DAB1: variants seen among roughly 807,000 people sequenced by gnomAD.
DAB1 encodes DAB adaptor protein 1, also known as disabled homolog 1.
DAB1 carries 15 observed loss-of-function variants against 64.6 expected under a neutral mutation model. The ratio of observed to expected loss-of-function variants is 0.23; its 90% CI spans 0.16 to 0.36. The LOEUF (loss-of-function observed/expected upper bound fraction) is 0.36. Ranked by LOEUF, DAB1 falls within the 10% of genes least tolerant of loss-of-function variation. The pLI is 1.00. For missense variants in DAB1, 596 were observed against 706.7 expected, an observed-to-expected ratio of 0.84 and a Z score of 1.78; for synonymous variants, 235 against 251.9, an observed-to-expected ratio of 0.93 and a Z score of 0.64.
At chr1:57,873,001 C>A (rs1643979203) in intron 1 of DAB1, among the ~76,000 whole-genome samples, 1 of 151,994 alleles carries the variant, frequency 6.6e-6, no homozygotes, top group Non-Finnish European at 1.5e-5. Context: ...AGAACTGAGC[C>A]CCCTGTTCTG....
chr1:58,322,740 G>C (rs1299554878), intron 4 of DAB1, among the ~76,000 whole-genome samples: 1 of 152,114 alleles, frequency 6.6e-6, no homozygotes, highest in Non-Finnish European at 1.5e-5. Context: ...CCATTACTGG[G>C]TATATACCCA....
chr1:57,535,004 T>C (rs1570604301), intron 7 of DAB1, among the ~76,000 whole-genome samples: 2 of 152,160 alleles, frequency 1.3e-5, no homozygotes, highest in Admixed American at 1.3e-4. Context: ...CTGCCTGAAA[T>C]GCTCATCCCC....
chr1:58,287,958 G>A (rs558426326), intron 4 of DAB1, among the ~76,000 whole-genome samples: 1 of 138,914 alleles, frequency 7.2e-6, no homozygotes, highest in East Asian at 2.1e-4. Context: ...GGAGGCAGAG[G>A]CTACAGTGAG....
intron 3 of DAB1, among the ~76,000 whole-genome samples, chr1:58,370,367 G>A (rs1644253810): frequency 9.0e-6 from 1 of 111,426 alleles, no homozygotes. Flanking sequence ...TTACTTATGA[G>A]TGTGTGCGTG....
chr1:57,630,956 C>A (rs369549934), intron 7 of DAB1, among the ~76,000 whole-genome samples: 1 of 152,086 alleles, frequency 6.6e-6, no homozygotes, highest in Non-Finnish European at 1.5e-5. Flanking sequence ...CTGCAAAGCT[C>A]CTGTTGAAAG....
At chr1:58,499,338 G>T (rs1401761743) in intron 3 of DAB1, among the ~76,000 whole-genome samples, 1 of 126,364 alleles carries the variant, frequency 7.9e-6, no homozygotes, top group East Asian at 2.3e-4. Context: ...AAAAAAAAAA[G>T]GCCAGGCATT....
intron 5 of DAB1, among the ~76,000 whole-genome samples, chr1:58,128,124 T>C (rs970629641): frequency 2.0e-5 from 3 of 152,118 alleles, no homozygotes; most frequent in African/African-American, 7.2e-5. Flanking sequence ...TTGTATCCTC[T>C]TTTATTTCCT....
chr1:57,976,652 G>A (rs1377839197), intron 5 of DAB1, among the ~76,000 whole-genome samples: 1 of 152,136 alleles, frequency 6.6e-6, no homozygotes, highest in African/African-American at 2.4e-5. Context: ...ATATCACTAT[G>A]TGACACTTTT....
intron 7 of DAB1, among the ~76,000 whole-genome samples, chr1:57,435,038 CTTTTTTTCTT>C (rs1685640624): frequency 7.7e-6 from 1 of 130,624 alleles, no homozygotes; most frequent in Non-Finnish European, 1.6e-5. Flanking sequence ...TTTTTCTTTT[CTTTTTTTCTT>C]TTTTTTTTTT....
In DAB1 at chr1:58,122,207, A is replaced by G. The variant is rs191449286; in HGVS notation, n.387+28304T>C. ...AGAATATCTTAGTATCTTAAGCACT[A>G]TGCACAGTTTATTTGGAAATAGTGC... On this transcript the variant is annotated intron_variant and non_coding_transcript_variant, in intron 5 of 20. Transcript: ENST00000485760. 1.5e-3 allele frequency among the ~76,000 whole-genome samples: 228 copies of G among 152,348 alleles called. 2 individuals carry two copies. Among genetic ancestry groups the G allele is most frequent in the African/African-American group, 5.3e-3 (219 of 41,586 alleles).
At chr1:57,811,114 C>T (rs1309900765) in intron 6 of DAB1, among the ~76,000 whole-genome samples, 1 of 152,210 alleles carries the variant, frequency 6.6e-6, no homozygotes, top group Non-Finnish European at 1.5e-5. Context: ...TTAAGGCCCA[C>T]CTGATAATCC....
intron 4 of DAB1, among the ~76,000 whole-genome samples, chr1:57,107,524 C>G (rs1271400211): frequency 6.6e-6 from 1 of 151,904 alleles, no homozygotes; most frequent in Non-Finnish European, 1.5e-5. Flanking sequence ...GGAGGAGCCA[C>G]AGGGATACCC....
At position 57,681,787 on chromosome 1, in the gene DAB1, T is replaced by C. The variant is rs4073807; in HGVS notation, n.552-32122A>G. On this transcript the variant is annotated intron_variant and non_coding_transcript_variant, in intron 6 of 20. Coordinates refer to the DAB1 transcript ENST00000485760. ...ACTGCTGAGTTCCTGAAAGTTTCCA[T>C]GCTTGGGAAAGTAAGTGTGATAGAA... Among the ~76,000 whole-genome samples the C allele has an allele frequency of 7.9e-3, 1,203 of 152,294 alleles. 7 individuals carry two copies. Among genetic ancestry groups the C allele is most frequent in the Non-Finnish European group, 0.01 (694 of 68,030 alleles).
intron 6 of DAB1, among the ~76,000 whole-genome samples, chr1:57,799,855 G>C (rs1239903597): frequency 1.3e-5 from 2 of 152,222 alleles, no homozygotes; most frequent in Admixed American, 6.5e-5. Context: ...TGTGCTTACT[G>C]TATGTAGCTG....
chr1:57,825,406 A>T (rs1375311548), downstream of DAB1, among the ~76,000 whole-genome samples: 1 of 152,242 alleles, frequency 6.6e-6, no homozygotes, highest in Non-Finnish European at 1.5e-5. Flanking sequence ...AGGAGGCAGG[A>T]CTGTATAGAG....
chr1:57,102,619 T>C (rs1654782491), intron 4 of DAB1, among the ~76,000 whole-genome samples: 1 of 152,236 alleles, frequency 6.6e-6, no homozygotes. Context: ...TTGTTTCAAC[T>C]ATTTTCATCG....
intron 5 of DAB1, among the ~76,000 whole-genome samples, chr1:57,928,900 C>G (rs139570226): frequency 6.6e-6 from 1 of 152,248 alleles, no homozygotes; most frequent in South Asian, 2.1e-4. Context: ...CTATAAGCAT[C>G]CATGTGTAAG....
At chr1:57,871,525 A>C (rs2101957195) in intron 1 of DAB1, among the ~76,000 whole-genome samples, 1 of 152,268 alleles carries the variant, frequency 6.6e-6, no homozygotes, top group East Asian at 1.9e-4. Context: ...TCACTATGCT[A>C]AACTTCAGCA....
At chr1:57,548,286 G>C (rs1228401213) in intron 7 of DAB1, among the ~76,000 whole-genome samples, 2 of 152,096 alleles carry the variant, frequency 1.3e-5, no homozygotes, top group African/African-American at 4.8e-5. Context: ...CCATTTTATA[G>C]ATGAGGAGCT....
Sources: allele counts gnomAD v4.1 joint callset (sites outside exome capture counted in the v4.1 genomes callset), GRCh38; gene constraint gnomAD v4.1.1; transcripts MANE v1.5; gene names NCBI Gene and HGNC (gene_info 2026-07-23, HGNC 2026-07-21).